Variants in LAMA4 observed in about 807,000 individuals in gnomAD.
LAMA4 encodes laminin subunit alpha-4.
Under a neutral mutation model 207.1 loss-of-function variants are expected in LAMA4, and 127 were observed. The ratio of observed to expected loss-of-function variants is 0.61; its 90% CI spans 0.53 to 0.71. LAMA4 has a LOEUF of 0.71. LAMA4 is among the 30% of genes least tolerant of loss of function. The probability of loss-of-function intolerance (pLI) is 0.00; values close to 1 mark genes in which losing one functional copy is unlikely to be tolerated. For missense variants in LAMA4, 2,093 were observed against 2,246.5 expected (o/e 0.93, Z 1.38); for synonymous variants, 761 against 816.0 (o/e 0.93, Z 1.15).
chr6:112,175,328 C>T lies in LAMA4; in HGVS notation c.1342G>A (p.Asp448Asn). The change falls in exon 11 of 39, where the codon GAT becomes AAT. Residue 448 changes from aspartate to asparagine, a missense_variant. Physicochemically the swap from Asp to Asn is conservative, Grantham distance 23 (BLOSUM62 1). This residue lies in a region of LAMA4 where 1,704 missense variants were observed against 1,788.4 expected (regional missense o/e 0.95). Coordinates refer to ENST00000230538, the MANE Select transcript of LAMA4 (RefSeq NM_001105206.3). ...ATACACCTACGTTCGTAAGCCTCAT[C>T]TGCCTCCTCATCCACGAGCTCCCGT... ...TQRELVDEEADEAYELLSQAE... is the reference protein window; with the variant it reads ...TQRELVDEEANEAYELLSQAE... 1 of 1,614,138 alleles carries T rather than the reference C, an allele frequency of 6.2e-7. No individual in the cohort carries two copies. Among genetic ancestry groups the T allele is most frequent in the Non-Finnish European group, 8.5e-7 (1 of 1,179,986 alleles).
In LAMA4 at chr6:112,219,752, G is replaced by A. The variant is rs73544365; in HGVS notation, c.196-3283C>T. On this transcript the variant is annotated intron_variant, in intron 2 of 38. Transcript: ENST00000230538. ...CTACCATGTTTAAGTCACTGTGTCA[G>A]TTATGTTGCACAATTCTCTCACTTG... is the stretch of plus-strand genomic sequence containing the variant. 8.6e-3 allele frequency among the ~76,000 whole-genome samples: 1,303 copies of A among 152,218 alleles called. 26 individuals are homozygous for A. The highest frequency in any genetic ancestry group is 0.029 in the African/African-American group (1,212 of 41,534).
At chr6:112,139,973 C>A (rs1554332686) in intron 22 of LAMA4, 88 bp from the exon 23 acceptor site, 16 of 1,291,088 alleles carry the variant, frequency 1.2e-5, no homozygotes, top group Non-Finnish European at 1.0e-5. Context: ...AATAGTAGGT[C>A]AAGGAGACCT....
chr6:112,120,525 T>A, intron 32 of LAMA4, 53 bp from the exon 33 acceptor site: 1 of 1,342,696 alleles, frequency 7.4e-7, no homozygotes, highest in Non-Finnish European at 1.1e-6. Flanking sequence ...CTGAGGATAA[T>A]CTCTAACTTC....
intron 12 of LAMA4, among the ~76,000 whole-genome samples, chr6:112,169,947 G>A (rs987834679): frequency 2.0e-5 from 3 of 152,176 alleles, no homozygotes; most frequent in East Asian, 3.8e-4. Context: ...CCAGCAAATC[G>A]GCTGGTTTGT....
intron 9 of LAMA4, among the ~76,000 whole-genome samples, chr6:112,182,327 A>C (rs1554345507): frequency 1.3e-5 from 2 of 152,080 alleles, no homozygotes; most frequent in African/African-American, 4.8e-5. Flanking sequence ...TATCTAAATT[A>C]CCTCTAATAC....
At position 112,108,002 on chromosome 6, in the gene LAMA4, T is replaced by TA. The variant is rs1156514918; in HGVS notation, c.*1434dup. On this transcript the variant is annotated 3_prime_UTR_variant, in exon 39 of 39. Coordinates refer to ENST00000230538, the MANE Select transcript of LAMA4 (RefSeq NM_001105206.3). Reference sequence around the variant, plus strand: ...TAGTAAGTCCTCTATGAACAGACATTAGCTATGTTTATCGATATCTTCAAC... The same window carrying TA: ...TAGTAAGTCCTCTATGAACAGACATTAAGCTATGTTTATCGATATCTTCAAC... Among the ~76,000 whole-genome samples the TA allele has an allele frequency of 5.9e-5, 9 of 152,180 alleles. No individual in the cohort carries two copies. The highest frequency in any genetic ancestry group is 2.2e-4 in the African/African-American group (9 of 41,448).
intron 3 of LAMA4, among the ~76,000 whole-genome samples, chr6:112,215,585 A>T (rs1274574692): frequency 2.0e-5 from 3 of 152,256 alleles, no homozygotes; most frequent in Admixed American, 2.0e-4. Context: ...CAGCTCACGA[A>T]GGAAAACATG....
intron 3 of LAMA4, among the ~76,000 whole-genome samples, chr6:112,214,452 G>T (rs9374312): frequency 0.4 from 60,757 of 151,870 alleles, 14,093 homozygotes; most frequent in Non-Finnish European, 0.51. Flanking sequence ...TGGGGGATAG[G>T]AATGTGGGTG....
At chr6:112,214,990 G>C (rs782252800) in intron 3 of LAMA4, among the ~76,000 whole-genome samples, 3 of 152,206 alleles carry the variant, frequency 2.0e-5, no homozygotes, top group Non-Finnish European at 2.9e-5. Flanking sequence ...TGATGTGCTT[G>C]ACAGTCTCCA....
intron 24 of LAMA4, among the ~76,000 whole-genome samples, chr6:112,136,942 T>A (rs1779390803): frequency 6.6e-6 from 1 of 152,136 alleles, no homozygotes; most frequent in African/African-American, 2.4e-5. Flanking sequence ...GGCCAACAGA[T>A]GTGTCTGCAT....
intron 14 of LAMA4, among the ~76,000 whole-genome samples, chr6:112,156,490 C>T (rs978820013): frequency 3.7e-4 from 57 of 152,110 alleles, no homozygotes; most frequent in Admixed American, 3.5e-3. Context: ...TATGTGTACC[C>T]GCATAATTTA....
At chr6:112,250,848 C>T (rs1178353664) in intron 2 of LAMA4, among the ~76,000 whole-genome samples, 2 of 152,212 alleles carry the variant, frequency 1.3e-5, no homozygotes, top group Non-Finnish European at 2.9e-5. Flanking sequence ...TTCCCATCTT[C>T]ATTCCTGCCC....
chr6:112,246,183 C>T (rs1352990397), intron 2 of LAMA4, among the ~76,000 whole-genome samples: 2 of 152,156 alleles, frequency 1.3e-5, no homozygotes, highest in Non-Finnish European at 2.9e-5. Flanking sequence ...GAATGCTGCT[C>T]TTTTGCAAAT....
At chr6:112,154,811 C>T (rs2277085) in intron 16 of LAMA4, 40 bp downstream of exon 16, 5 of 1,217,256 alleles carry the variant, frequency 4.1e-6, no homozygotes, top group African/African-American at 1.5e-5. Context: ...AGGGAAGCAG[C>T]TATAAATTAG....
At chr6:112,213,804 G>A (rs1554357621) in intron 3 of LAMA4, 1 of 385,438 alleles carries the variant, frequency 2.6e-6, no homozygotes, top group Admixed American at 4.4e-5. Flanking sequence ...AGGTGAACAA[G>A]GCAGATACAG....
chr6:112,254,687 G>A (rs1161344079), upstream of LAMA4: 1 of 168,072 alleles, frequency 5.9e-6, no homozygotes, highest in Non-Finnish European at 1.3e-5. Flanking sequence ...TCAGTTTGGA[G>A]CCCCTCCAAG....
chr6:112,204,702 C>A (rs146622750), intron 4 of LAMA4, among the ~76,000 whole-genome samples: 17 of 152,266 alleles, frequency 1.1e-4, no homozygotes, highest in South Asian at 4.1e-4. Flanking sequence ...AAAAAGTATA[C>A]CAAGACGGAG....
At chr6:112,130,228 A>G (rs1289840085) in intron 29 of LAMA4, 188 bp from the exon 30 acceptor site, 2 of 600,474 alleles carry the variant, frequency 3.3e-6, no homozygotes, top group African/African-American at 3.7e-5. Flanking sequence ...TGCAAAAAAG[A>G]TCCTCCAAAC....
At chr6:112,244,488 G>A (rs144397732) in intron 2 of LAMA4, among the ~76,000 whole-genome samples, 1 of 152,244 alleles carries the variant, frequency 6.6e-6, no homozygotes, top group East Asian at 1.9e-4. Context: ...CAGCCCTCAG[G>A]ACTGCTTGTC....
Sources: gnomAD v4.1 joint callset for allele counts (sites outside exome capture counted in the v4.1 genomes callset) on GRCh38, gnomAD v4.1.1 for gene constraint, gnomAD v4.1.1 regional missense constraint, MANE v1.5 for transcripts, NCBI Gene and HGNC (gene_info 2026-07-23, HGNC 2026-07-21) for gene names.